ARL13B: variants seen among roughly 807,000 people sequenced by gnomAD.
The protein encoded by ARL13B is ADP-ribosylation factor-like protein 13B.
A neutral mutation model predicts 56.1 loss-of-function variants in ARL13B; 36 were observed. That is an observed-to-expected ratio of 0.64 (90% confidence interval 0.49 to 0.85). The LOEUF (loss-of-function observed/expected upper bound fraction) is 0.85, where lower values mean the gene tolerates loss of function less well. Ranked by LOEUF, ARL13B falls within the 40% of genes least tolerant of loss-of-function variation. ARL13B has a pLI of 0.00. For synonymous variants in ARL13B, 178 were observed against 171.1 expected, an observed-to-expected ratio of 1.04 and a Z score of -0.32; for missense variants, 519 against 507.1, an observed-to-expected ratio of 1.02 and a Z score of -0.23.
intron 3 of ARL13B, among the ~76,000 whole-genome samples, chr3:94,012,066 C>T (rs1157721665): frequency 1.3e-5 from 2 of 151,968 alleles, no homozygotes; most frequent in East Asian, 3.9e-4. Flanking sequence ...TTCCTTGTAC[C>T]TCATTGACAG....
chr3:94,018,705 G>T (rs1271827947), intron 3 of ARL13B, among the ~76,000 whole-genome samples: 1 of 152,102 alleles, frequency 6.6e-6, no homozygotes, highest in Non-Finnish European at 1.5e-5. Context: ...CCCGTAAACT[G>T]CCCCATCTCT....
At chr3:93,995,610 C>G (rs373747342) in intron 1 of ARL13B, among the ~76,000 whole-genome samples, 1 of 152,064 alleles carries the variant, frequency 6.6e-6, no homozygotes, top group African/African-American at 2.4e-5. Context: ...CCTTCTTTCC[C>G]TTATTCTCTG....
At chr3:93,986,566 A>C (rs1397442385) in intron 1 of ARL13B, among the ~76,000 whole-genome samples, 1 of 152,144 alleles carries the variant, frequency 6.6e-6, no homozygotes, top group Non-Finnish European at 1.5e-5. Flanking sequence ...AATTTGCTTC[A>C]TGTAGTTTTA....
chr3:94,024,644 G>A (rs2076518459), intron 3 of ARL13B, among the ~76,000 whole-genome samples: 1 of 152,114 alleles, frequency 6.6e-6, no homozygotes, highest in Non-Finnish European at 1.5e-5. Context: ...AGAGTATAGT[G>A]GCTCAATTGC....
chr3:94,009,074 A>AAGATAGATAGATAGATAGATAGAT (rs58584662), intron 3 of ARL13B, among the ~76,000 whole-genome samples: 6 of 143,868 alleles, frequency 4.2e-5, no homozygotes, highest in Non-Finnish European at 6.1e-5. Flanking sequence ...AGGAGCAGTA[A>AAGATAGATAGATAGATAGATAGAT]AGATAGATAG....
At chr3:93,980,576 T>C (rs886167770) in intron 1 of ARL13B, 94 bp downstream of exon 1, 8 of 1,493,816 alleles carry the variant, frequency 5.4e-6, no homozygotes, top group African/African-American at 1.4e-5. Context: ...CCTGGACGAG[T>C]CTATCCCAGG....
At chr3:94,005,738 T>C (rs1022093739) in intron 3 of ARL13B, among the ~76,000 whole-genome samples, 4 of 152,176 alleles carry the variant, frequency 2.6e-5, no homozygotes, top group Non-Finnish European at 4.4e-5. Context: ...CAGAATTTTA[T>C]TATTAAAGGT....
intron 3 of ARL13B, among the ~76,000 whole-genome samples, chr3:94,006,437 T>G (rs916861979): frequency 6.6e-6 from 1 of 152,208 alleles, no homozygotes; most frequent in Non-Finnish European, 1.5e-5. Context: ...TTTCTCTTAT[T>G]GATGTTACTG....
intron 3 of ARL13B, among the ~76,000 whole-genome samples, chr3:94,024,416 C>G (rs1346849436): frequency 1.3e-5 from 2 of 152,132 alleles, no homozygotes; most frequent in African/African-American, 4.8e-5. Context: ...AAATTAAGTC[C>G]TATATTTATA....
chr3:94,042,959 A>G, intron 6 of ARL13B, 56 bp from the exon 7 acceptor site: 2 of 1,428,342 alleles, frequency 1.4e-6, no homozygotes, highest in South Asian at 2.6e-5. Flanking sequence ...CTCTCCCTTA[A>G]AACTATCTTA....
At position 94,036,632 on chromosome 3, in the gene ARL13B, T is replaced by C. The variant is rs1417919773; in HGVS notation, c.567T>C (p.Val189=). ...AAGGCCTTTATTGGCTGCTACATGT[T>C]ATTGCAAGAGACTTTGATGCCTTAA... ...IKKGLYWLLH[V]IARDFDALNE... is the part of the protein sequence containing the mutation. Residue 189 remains valine, a synonymous_variant, in exon 5 of 10, where the codon GTT becomes GTC. Coordinates refer to ENST00000394222, the MANE Select transcript of ARL13B (RefSeq NM_001174150.2). The C allele has an allele frequency of 1.2e-6, 2 of 1,613,976 alleles. No homozygotes were observed. The highest frequency in any genetic ancestry group is 2.7e-5 in the African/African-American group (2 of 74,896).
chr3:94,020,821 G>A (rs1351485039), intron 3 of ARL13B, among the ~76,000 whole-genome samples: 1 of 151,912 alleles, frequency 6.6e-6, no homozygotes, highest in Non-Finnish European at 1.5e-5. Flanking sequence ...TCAAATAGCC[G>A]GTAATCTTTT....
chr3:94,018,309 G>A (rs895253641), intron 3 of ARL13B, among the ~76,000 whole-genome samples: 1 of 152,096 alleles, frequency 6.6e-6, no homozygotes, highest in Non-Finnish European at 1.5e-5. Context: ...TGGAGTAAAT[G>A]GGAACCATCA....
At chr3:94,033,141 C>T (rs2076706237) in intron 3 of ARL13B, among the ~76,000 whole-genome samples, 1 of 152,106 alleles carries the variant, frequency 6.6e-6, no homozygotes, top group Non-Finnish European at 1.5e-5. Flanking sequence ...CTAGCGTGTT[C>T]TCACAAGTGG....
intron 1 of ARL13B, among the ~76,000 whole-genome samples, chr3:93,985,519 A>C (rs1357459149): frequency 2.0e-5 from 3 of 152,310 alleles, no homozygotes; most frequent in Middle Eastern, 3.4e-3. Flanking sequence ...TTTGGCAACA[A>C]AATTCTTTGT....
In ARL13B at chr3:94,029,349, A is replaced by AT. The variant is rs869211830; in HGVS notation, c.381-5967dup. On this transcript the variant is annotated intron_variant, in intron 3 of 9. Transcript: ENST00000394222. ...ATATATATATATTTATTTTTTTTTT[A>AT]TTTTTTTTTTTTTTTGAGAAGGAGT... is the stretch of plus-strand genomic sequence containing the variant. Among the ~76,000 whole-genome samples the AT allele has an allele frequency of 1.7e-3, 152 of 88,060 alleles. 4 individuals carry two copies. The highest frequency in any genetic ancestry group is 9.8e-3 in the Middle Eastern group (1 of 102). 57.8% of individuals were successfully genotyped at this position (88,060 alleles called of 152,430 possible). A position where few individuals can be genotyped will look rare whatever the true frequency, so the allele number is the denominator to read the frequency against.
chr3:94,033,674 C>T (rs1268818679), intron 3 of ARL13B, among the ~76,000 whole-genome samples: 1 of 152,134 alleles, frequency 6.6e-6, no homozygotes, highest in African/African-American at 2.4e-5. Context: ...TAATGAGGAA[C>T]TTTATTTTGG....
chr3:93,991,518 G>C (rs1203446827), intron 1 of ARL13B, among the ~76,000 whole-genome samples: 1 of 152,104 alleles, frequency 6.6e-6, no homozygotes. Context: ...AGGACTGTAG[G>C]CACACATCAC....
At position 94,001,400 on chromosome 3, in the gene ARL13B, C is replaced by A. The variant is rs147622643; in HGVS notation, c.131-2259C>A. ...CATCATTTTATCTGTACTTAAATTG[C>A]TCCCTCTGCCTAAAATATAGTTCTC... is the stretch of plus-strand genomic sequence containing the variant. On this transcript the variant is annotated intron_variant, in intron 2 of 9. Transcript: ENST00000394222. Among the ~76,000 whole-genome samples the A allele has an allele frequency of 1.6e-4, 24 of 152,090 alleles. No individual in the cohort carries two copies. The South Asian group carries it at 2.3e-3, about 14-fold the overall frequency.
Sources: allele counts gnomAD v4.1 joint callset (sites outside exome capture counted in the v4.1 genomes callset), GRCh38; gene constraint gnomAD v4.1.1; transcripts MANE v1.5; gene names NCBI Gene and HGNC (gene_info 2026-07-23, HGNC 2026-07-21).